PUSL1: variants seen among roughly 807,000 people sequenced by gnomAD.
PUSL1 encodes the protein tRNA pseudouridine synthase-like 1.
In PUSL1, 51 loss-of-function variants were observed where a neutral mutation model predicts 30.7. The observed-to-expected ratio is 1.66, with a 90% CI of 1.33 to 2.10. The LOEUF is 2.10. Among genes scored for constraint, PUSL1 ranks in the 30% most tolerant of loss-of-function variants. The probability of loss-of-function intolerance (pLI) is 0.00; values close to 1 mark genes in which losing one functional copy is unlikely to be tolerated. For missense variants in PUSL1, 609 were observed against 427.6 expected (o/e 1.42, Z -3.74); for synonymous variants, 290 against 192.1 (o/e 1.51, Z -4.21).
rs1173252542 is a variant in PUSL1 at position 1,309,758 on chromosome 1, C to T, written c.551C>T (p.Ala184Val). ...CACGACTTCAGCGCCTTCCAGTCCG[C>T]TGGCAGCCCGGTGCCGAGCCCCGTG... Reference protein sequence around the residue: ...GTHDFSAFQSAGSPVPSPVRT... With the variant: ...GTHDFSAFQSVGSPVPSPVRT... The change falls in exon 5 of 8, where the codon GCT becomes GTT. Residue 184 changes from alanine to valine, a missense_variant. Physicochemically the swap from Ala to Val is moderately conservative, Grantham distance 64. Transcript: ENST00000379031. 3.2e-6 allele frequency: 5 copies of T among 1,584,996 alleles called. No homozygotes were observed. Among genetic ancestry groups the T allele is most frequent in the Admixed American group, 1.8e-5 (1 of 56,204 alleles).
chr1:1,311,303 C>T (rs1642135432), intron 7 of PUSL1, 27 bp from the exon 8 acceptor site: 2 of 1,527,940 alleles, frequency 1.3e-6, no homozygotes, highest in East Asian at 4.7e-5. Flanking sequence ...TTGCCCCAGG[C>T]TGACGCAGGG....
chr1:1,310,899 T>G lies in PUSL1; in HGVS notation c.700-10T>G. Reference sequence around the variant, plus strand: ...GGCGGCTCTGGGTCACAGGTGGCTCTGGGTCACAGGTACGGAGGATGACGG... The same window carrying G: ...GGCGGCTCTGGGTCACAGGTGGCTCGGGGTCACAGGTACGGAGGATGACGG... On this transcript the variant is annotated splice_polypyrimidine_tract_variant and intron_variant, in intron 6 of 7. Transcript: ENST00000379031. 1 of 1,603,294 alleles carries G rather than the reference T, an allele frequency of 6.2e-7. No homozygotes were observed. Among genetic ancestry groups the G allele is most frequent in the Admixed American group, 1.7e-5 (1 of 59,200 alleles).
At position 1,308,649 on chromosome 1, in the gene PUSL1, T is replaced by G. The variant is rs568992693; in HGVS notation, c.6T>G (p.Ser2Arg). ...GCCACCGGCTGGGCTCCGCCATGAG[T>G]TCGGCGCCGGCCTCAGGCTCCGTGC... is the stretch of plus-strand genomic sequence containing the variant. M[S>R]SAPASGSVRA... Residue 2 changes from serine (S) to arginine (R), a missense_variant, in exon 1 of 8, where the codon AGT (serine) becomes AGG (arginine). Physicochemically the swap from Ser to Arg is moderately radical, Grantham distance 110 (BLOSUM62 -1). Coordinates refer to ENST00000379031, the MANE Select transcript of PUSL1 (RefSeq NM_153339.3). 6.6e-7 allele frequency: 1 copy of G among 1,507,902 alleles called. No individual in the cohort carries two copies. The highest frequency in any genetic ancestry group is 2.2e-5 in the Admixed American group (1 of 46,354). 93.4% of individuals were successfully genotyped at this position (1,507,902 alleles called of 1,614,324 possible). A position where few individuals can be genotyped will look rare whatever the true frequency, so the allele number is the denominator to read the frequency against.
chr1:1,308,597 A>G lies in PUSL1; in HGVS notation c.-47A>G. The G allele has an allele frequency of 2.9e-6, 2 of 681,372 alleles. No homozygotes were observed. Among genetic ancestry groups the G allele is most frequent in the African/African-American group, 2.4e-5 (1 of 41,940 alleles). The allele number at this position is 681,372 out of a possible 1,614,324, so 42.2% of individuals were successfully genotyped here. On this transcript the variant is annotated 5_prime_UTR_variant, in exon 1 of 8. Coordinates refer to ENST00000379031, the MANE Select transcript of PUSL1 (RefSeq NM_153339.3). ...CAGGCCGCGTCCGCGCGCGCGCAGG[A>G]TTCCTGCGCTGGAGGCCGCCTCTGA...
intron 7 of PUSL1, 33 bp from the exon 8 acceptor site, chr1:1,311,297 C>T (rs1422737254): frequency 6.6e-7 from 1 of 1,521,260 alleles, no homozygotes; most frequent in Non-Finnish European, 8.8e-7. Context: ...CCGGTCTTGC[C>T]CCAGGCTGAC....
chr1:1,309,877 C>T (rs1482034173), intron 5 of PUSL1, 26 bp downstream of exon 5: 25 of 1,463,036 alleles, frequency 1.7e-5, no homozygotes, highest in South Asian at 4.1e-5. Context: ...TGGGCTGTGG[C>T]CCTGCCCTCA....
rs115163464 is a variant in PUSL1 at position 1,311,058 on chromosome 1, G to A, written c.849G>A (p.Leu283=). ...PAHGLFLKSV[L]YGNLGAASCT... The stretch of plus-strand genomic sequence containing the variant: ...ACGGCTTATTCCTCAAGTCAGTGCT[G>A]TACGGGAACCTCGGTAAGAAAAACA... The change falls in exon 7 of 8, where the codon CTG becomes CTA. Residue 283 remains leucine (L), a synonymous_variant. Transcript: ENST00000379031. 46,352 of 1,600,534 alleles carry A rather than the reference G, an allele frequency of 0.029. 798 individuals carry two copies. The highest frequency in any genetic ancestry group is 0.034 in the South Asian group (3,069 of 90,882).
chr1:1,308,678 C>CG lies in PUSL1; in HGVS notation c.36dup (p.Arg13AlafsTer14). The CG allele has an allele frequency of 6.5e-7, 1 of 1,549,882 alleles. No individual in the cohort carries two copies. The highest frequency in any genetic ancestry group is 8.7e-7 in the Non-Finnish European group (1 of 1,152,152). On this transcript the variant is annotated frameshift_variant, in exon 1 of 8. Coordinates refer to ENST00000379031, the MANE Select transcript of PUSL1 (RefSeq NM_153339.3). LOFTEE classifies it high-confidence loss of function. ...GCGCCGGCCTCAGGCTCCGTGCGCG[C>CG]GCGCTATCTTGTGTACTTCCAGTAC...
rs778378455 is a variant in PUSL1 at position 1,311,029 on chromosome 1, G to A, written c.820G>A (p.Ala274Thr). 1 of 1,612,240 alleles carries A rather than the reference G, an allele frequency of 6.2e-7. No homozygotes were observed. The highest frequency in any genetic ancestry group is 1.7e-5 in the Admixed American group (1 of 59,990). Reference protein sequence around the residue: ...LGKHQTRVAPAHGLFLKSVLY... With the variant: ...LGKHQTRVAPTHGLFLKSVLY... ...CAAGCACCAGACACGTGTAGCCCCA[G>A]CCCACGGCTTATTCCTCAAGTCAGT... Residue 274 changes from alanine to threonine, a missense_variant, in exon 7 of 8, where the codon GCC (alanine) becomes ACC (threonine). Ala to Thr is a moderately conservative substitution (Grantham distance 58). Transcript: ENST00000379031.
At position 1,311,193 on chromosome 1, in the gene PUSL1, A is replaced by G. The variant is rs1052639509; in HGVS notation, c.862+122A>G. ...CTGGGGGTGAAGCAGCCCCCCGCCC[A>G]GGGCTGCAGTCCCTCAGGCCAGCCC... On this transcript the variant is annotated intron_variant, in intron 7 of 7. Coordinates refer to ENST00000379031, the MANE Select transcript of PUSL1 (RefSeq NM_153339.3). The G allele has an allele frequency of 2.8e-6, 4 of 1,417,102 alleles. No individual in the cohort carries two copies. The African/African-American group carries it at 4.3e-5, about 15-fold the overall frequency. 87.8% of individuals were successfully genotyped at this position (1,417,102 alleles called of 1,614,324 possible).
In PUSL1 at chr1:1,311,114, GACT is replaced by G. The variant is rs563713687; in HGVS notation, c.862+47_862+49del. The stretch of plus-strand genomic sequence containing the variant: ...GAGAAGCTCCTGTCATGTGCCCAGT[GACT>G]ACTGTGGCCGAGGCATGGGGTGGGG... On this transcript the variant is annotated intron_variant, in intron 7 of 7. Coordinates refer to ENST00000379031, the MANE Select transcript of PUSL1 (RefSeq NM_153339.3). 505 of 1,562,870 alleles carry G rather than the reference GACT, an allele frequency of 3.2e-4. 3 individuals are homozygous for G. The highest frequency in any genetic ancestry group is 2.1e-3 in the Middle Eastern group (12 of 5,812).
intron 5 of PUSL1, chr1:1,310,077 A>C: frequency 1.9e-6 from 1 of 521,374 alleles, no homozygotes; most frequent in Non-Finnish European, 3.4e-6. Context: ...GTCTCTGAAA[A>C]ACCCCTGCCA....
chr1:1,310,185 G>A (rs1008401581), intron 5 of PUSL1: 4 of 364,960 alleles, frequency 1.1e-5, no homozygotes, highest in East Asian at 4.6e-5. Context: ...TGTCCCGAGG[G>A]CCACCCACCA....
In PUSL1 at chr1:1,308,654, C is replaced by T. The variant is rs368548181; in HGVS notation, c.11C>T (p.Ala4Val). ...CGGCTGGGCTCCGCCATGAGTTCGG[C>T]GCCGGCCTCAGGCTCCGTGCGCGCG... MSS[A>V]PASGSVRARY... The change falls in exon 1 of 8, where the codon GCG (alanine) becomes GTG (valine). Residue 4 changes from alanine to valine, a missense_variant. Physicochemically the swap from Ala to Val is moderately conservative, Grantham distance 64 (BLOSUM62 0). Coordinates refer to ENST00000379031, the MANE Select transcript of PUSL1 (RefSeq NM_153339.3). The T allele has an allele frequency of 8.5e-6, 13 of 1,522,852 alleles. No individual in the cohort carries two copies. Among genetic ancestry groups the T allele is most frequent in the East Asian group, 6.0e-5 (2 of 33,426 alleles). The allele number at this position is 1,522,852 out of a possible 1,614,324, so 94.3% of individuals were successfully genotyped here.
chr1:1,308,682 C>G lies in PUSL1; in HGVS notation c.39C>G (p.Arg13=), dbSNP rs537652358. 5 of 1,551,346 alleles carry G rather than the reference C, an allele frequency of 3.2e-6. No individual in the cohort carries two copies. The highest frequency in any genetic ancestry group is 3.5e-6 in the Non-Finnish European group (4 of 1,152,854). ...SAPASGSVRA[R]YLVYFQYVGT... The stretch of plus-strand genomic sequence containing the variant: ...CGGCCTCAGGCTCCGTGCGCGCGCG[C>G]TATCTTGTGTACTTCCAGTACGTGG... Residue 13 remains arginine (R), a synonymous_variant, in exon 1 of 8, where the codon CGC becomes CGG. Coordinates refer to ENST00000379031, the MANE Select transcript of PUSL1 (RefSeq NM_153339.3).
rs374519470 is a variant in PUSL1, at chr1:1,309,607, A to C, written c.473+4A>C. On this transcript the variant is annotated splice_donor_region_variant and intron_variant, in intron 4 of 7. Transcript: ENST00000379031. Reference sequence around the variant, plus strand: ...TATGCTGGACTCTCCCGGCAGAGTGAGTGTGGCCCTGACAGCGGGGAGGGG... The same window carrying C: ...TATGCTGGACTCTCCCGGCAGAGTGCGTGTGGCCCTGACAGCGGGGAGGGG... 5.0e-5 allele frequency: 80 copies of C among 1,605,732 alleles called. No homozygotes were observed. Among genetic ancestry groups the C allele is most frequent in the Non-Finnish European group, 6.3e-5 (74 of 1,174,690 alleles).
In PUSL1 at chr1:1,308,943, C is replaced by A. The variant is rs200089551; in HGVS notation, c.106C>A (p.Arg36Ser). 1,287 of 1,420,258 alleles carry A rather than the reference C, an allele frequency of 9.1e-4. 2 individuals are homozygous for A. Among genetic ancestry groups the A allele is most frequent in the Middle Eastern group, 1.8e-3 (7 of 3,878 alleles). 88.0% of individuals were successfully genotyped at this position (1,420,258 alleles called of 1,614,324 possible). A position where few individuals can be genotyped will look rare whatever the true frequency, so the allele number is the denominator to read the frequency against. Residue 36 changes from arginine (R) to serine (S), a missense_variant, in exon 2 of 8, where the codon CGC (arginine) becomes AGC (serine). Arg to Ser is a moderately radical substitution (Grantham distance 110, BLOSUM62 -1). Transcript: ENST00000379031. ...GGTCGCGGCCGTCAGGGGCACTCAGCGCGCCGTCGGGGTCCAGAACTACCT... is the reference window on the plus strand; with the variant it reads ...GGTCGCGGCCGTCAGGGGCACTCAGAGCGCCGTCGGGGTCCAGAACTACCT... ...NGVAAVRGTQ[R>S]AVGVQNYLEE...
rs1330342378 is a variant in PUSL1 at position 1,311,648 on chromosome 1, T to C, written c.*269T>C. 1 of 709,026 alleles carries C rather than the reference T, an allele frequency of 1.4e-6. No individual in the cohort carries two copies. Among genetic ancestry groups the C allele is most frequent in the Admixed American group, 2.0e-5 (1 of 48,976 alleles). 43.9% of individuals were successfully genotyped at this position (709,026 alleles called of 1,614,324 possible). A position where few individuals can be genotyped will look rare whatever the true frequency, so the allele number is the denominator to read the frequency against. ...AACTGCTGTCTAGGACCACCTGCCC[T>C]AACCAGGAATAAAGGCAAGACAGCC... On this transcript the variant is annotated 3_prime_UTR_variant, in exon 8 of 8. Coordinates refer to ENST00000379031, the MANE Select transcript of PUSL1 (RefSeq NM_153339.3).
Position 1,309,228 on chromosome 1 carries a change from T to C in PUSL1, c.278T>C (p.Val93Ala). Residue 93 changes from valine to alanine, a missense_variant, in exon 3 of 8, where the codon GTC becomes GCC. Transcript: ENST00000379031. The part of the protein sequence containing the change: ...RSGRPPFPPE[V>A]LAEALNTHLR... ...GGCCGGCCGCCCTTCCCGCCCGAGGTCCTGGCCGAGGCCCTCAACACACAC... is the reference window on the plus strand; with the variant it reads ...GGCCGGCCGCCCTTCCCGCCCGAGGCCCTGGCCGAGGCCCTCAACACACAC... 6.6e-7 allele frequency: 1 copy of C among 1,515,360 alleles called. No homozygotes were observed. Among genetic ancestry groups the C allele is most frequent in the East Asian group, 2.4e-5 (1 of 41,706 alleles). The allele number at this position is 1,515,360 out of a possible 1,614,324, so 93.9% of individuals were successfully genotyped here.
Sources: allele counts gnomAD v4.1 joint callset, GRCh38; gene constraint gnomAD v4.1.1; transcripts MANE v1.5; gene names NCBI Gene and HGNC (gene_info 2026-07-23, HGNC 2026-07-21).